Variants in ARHGAP29 observed in about 807,000 individuals in gnomAD.
ARHGAP29 encodes the protein Rho GTPase activating protein 29.
In ARHGAP29, 43 loss-of-function variants were observed where a neutral mutation model predicts 122.6. The ratio of observed to expected loss-of-function variants is 0.35; its 90% confidence interval spans 0.27 to 0.45. The LOEUF (loss-of-function observed/expected upper bound fraction) is 0.45. ARHGAP29 is among the 20% of genes least tolerant of loss of function. The pLI, the probability that ARHGAP29 is intolerant of heterozygous loss-of-function variation, is 1.00. For synonymous variants in ARHGAP29, 506 were observed against 497.1 expected, an observed-to-expected ratio of 1.02 and a Z score of -0.24; for missense variants, 1,303 against 1,477.2, an observed-to-expected ratio of 0.88 and a Z score of 1.93.
At chr1:94,258,433 G>A (rs1029485885) in intron 1 of ARHGAP29, among the ~76,000 whole-genome samples, 1 of 152,182 alleles carries the variant, frequency 6.6e-6, no homozygotes, top group Non-Finnish European at 1.5e-5. Flanking sequence ...ATCATGAGAG[G>A]TGGAATCTGG....
the ARHGAP29 span, among the ~76,000 whole-genome samples, chr1:94,291,784 C>G: frequency 1.3e-5 from 2 of 152,216 alleles, no homozygotes; most frequent in Non-Finnish European, 2.9e-5. Flanking sequence ...TTGGCCCCCA[C>G]TCTCTTCTGA....
chr1:94,185,512 A>T, intron 16 of ARHGAP29, 31 bp from the exon 17 acceptor site: 1 of 1,541,996 alleles, frequency 6.5e-7, no homozygotes, highest in Non-Finnish European at 8.8e-7. Context: ...CAAAAATTGT[A>T]AAATGATAGA....
At chr1:94,242,916 C>G (rs1653655211) in intron 1 of ARHGAP29, among the ~76,000 whole-genome samples, 1 of 151,834 alleles carries the variant, frequency 6.6e-6, no homozygotes, top group Non-Finnish European at 1.5e-5. Context: ...CAAAGTAGCT[C>G]TATAATATAG....
At chr1:94,236,987 T>G (rs1311713530) in intron 1 of ARHGAP29, among the ~76,000 whole-genome samples, 5 of 152,178 alleles carry the variant, frequency 3.3e-5, no homozygotes, top group Non-Finnish European at 5.9e-5. Flanking sequence ...CTAGTCTGTG[T>G]GCTTGGGCAG....
upstream of ARHGAP29, chr1:94,237,594 A>C (rs1653373369): frequency 3.0e-6 from 3 of 988,502 alleles, no homozygotes; most frequent in South Asian, 1.4e-4. Flanking sequence ...TGCAGCCGCC[A>C]CCGCCCCTGC....
chr1:94,253,313 G>C (rs182282037), intron 1 of ARHGAP29, among the ~76,000 whole-genome samples: 10 of 151,972 alleles, frequency 6.6e-5, no homozygotes, highest in African/African-American at 2.4e-4. Flanking sequence ...AGCTTTCCCC[G>C]GGCTTACAGT....
chr1:94,184,468 T>TTA (rs1337053022), intron 18 of ARHGAP29, among the ~76,000 whole-genome samples, 180 bp from the exon 19 acceptor site: 1 of 152,142 alleles, frequency 6.6e-6, no homozygotes, highest in Non-Finnish European at 1.5e-5. Context: ...CTGAAAAAAT[T>TTA]TAGTTATTAA....
intron 2 of ARHGAP29, among the ~76,000 whole-genome samples, chr1:94,226,710 G>A (rs1474195180): frequency 6.6e-6 from 1 of 151,652 alleles, no homozygotes; most frequent in Non-Finnish European, 1.5e-5. Flanking sequence ...TGGTACAGGT[G>A]TAATAAATGA....
chr1:94,236,642 A>G (rs1297183314), intron 1 of ARHGAP29, among the ~76,000 whole-genome samples: 1 of 152,062 alleles, frequency 6.6e-6, no homozygotes, highest in Non-Finnish European at 1.5e-5. Flanking sequence ...CGAGGGTTCC[A>G]CCTTGAAACG....
chr1:94,182,015 T>A (rs1260302622), intron 19 of ARHGAP29, among the ~76,000 whole-genome samples: 1 of 152,168 alleles, frequency 6.6e-6, no homozygotes, highest in African/African-American at 2.4e-5. Flanking sequence ...TATTTCTTTA[T>A]GTGGCTACTA....
chr1:94,293,250 G>A, the ARHGAP29 span, among the ~76,000 whole-genome samples: 6 of 152,224 alleles, frequency 3.9e-5, no homozygotes, highest in Non-Finnish European at 8.8e-5. Flanking sequence ...TGCGCTGGCA[G>A]CGAGCAAGGC....
At chr1:94,293,919 A>G in the ARHGAP29 span, among the ~76,000 whole-genome samples, 1 of 152,164 alleles carries the variant, frequency 6.6e-6, no homozygotes, top group African/African-American at 2.4e-5. Context: ...CCCCTCTCCC[A>G]GTTAGAAGGT....
chr1:94,173,841 A>C lies in ARHGAP29; in HGVS notation c.*28T>G, dbSNP rs767442660. 4 of 1,561,762 alleles carry C rather than the reference A, an allele frequency of 2.6e-6. No homozygotes were observed. In the Admixed American group the frequency reaches 7.6e-5, roughly 30 times the overall value. On this transcript the variant is annotated 3_prime_UTR_variant, in exon 23 of 23. Transcript: ENST00000260526. Reference sequence around the variant, plus strand: ...CAATACCACAAAATAACACAACAACAACAAAAAAACCCTGAAATTTGACAT... The same window carrying C: ...CAATACCACAAAATAACACAACAACCACAAAAAAACCCTGAAATTTGACAT...
chr1:94,205,260 A>G lies in ARHGAP29; in HGVS notation c.560-62T>C, dbSNP rs933776435. The G allele has an allele frequency of 1.0e-5, 13 of 1,301,752 alleles. No individual in the cohort carries two copies. In the African/African-American group the frequency reaches 2.0e-4, roughly 20 times the overall value. The allele number at this position is 1,301,752 out of a possible 1,614,324, so 80.6% of individuals were successfully genotyped here. On this transcript the variant is annotated intron_variant, in intron 6 of 22. Transcript: ENST00000260526. ...TGTGATCACATCATAACTCCAAACA[A>G]AGAAGCACTGAGATCCTAAGATACT...
chr1:94,252,680 C>G (rs1654142206), intron 1 of ARHGAP29, among the ~76,000 whole-genome samples: 1 of 151,524 alleles, frequency 6.6e-6, no homozygotes, highest in Admixed American at 6.6e-5. Context: ...AACAAATCCC[C>G]ATGGCCTCGT....
chr1:94,211,906 C>T (rs1387370608), intron 3 of ARHGAP29, among the ~76,000 whole-genome samples: 1 of 151,758 alleles, frequency 6.6e-6, no homozygotes, highest in Non-Finnish European at 1.5e-5. Flanking sequence ...CCTCCCTCCT[C>T]CCCCAACCCC....
the ARHGAP29 span, among the ~76,000 whole-genome samples, chr1:94,293,755 C>T: frequency 6.6e-6 from 1 of 152,182 alleles, no homozygotes; most frequent in Non-Finnish European, 1.5e-5. Flanking sequence ...CTTCCATGCC[C>T]TCCATGGGTG....
intron 2 of ARHGAP29, among the ~76,000 whole-genome samples, chr1:94,226,816 G>C (rs1490903721): frequency 6.6e-6 from 1 of 151,768 alleles, no homozygotes; most frequent in African/African-American, 2.4e-5. Context: ...ACTTCTAAGT[G>C]ATATTCATTA....
At chr1:94,279,614 T>C (rs1290662747), upstream of ARHGAP29, among the ~76,000 whole-genome samples, 3 of 152,238 alleles carry the variant, frequency 2.0e-5, no homozygotes, top group Non-Finnish European at 4.4e-5. Flanking sequence ...TGAGTAGGCC[T>C]TTAGCCCATG....
Sources: gnomAD v4.1 joint callset for allele counts (sites outside exome capture counted in the v4.1 genomes callset) on GRCh38, gnomAD v4.1.1 for gene constraint, MANE v1.5 for transcripts, NCBI Gene and HGNC (gene_info 2026-07-23, HGNC 2026-07-21) for gene names.